Variants in VPS13B observed in about 807,000 individuals in gnomAD.
The protein encoded by VPS13B is vacuolar protein sorting 13 homolog B, also known as intermembrane lipid transfer protein VPS13B.
Under a neutral mutation model 426.4 loss-of-function variants are expected in VPS13B, and 285 were observed. The observed-to-expected ratio is 0.67, with a 90% CI of 0.61 to 0.74. The LOEUF is 0.74. VPS13B is among the 30% of genes least tolerant of loss of function. The pLI is 0.00. For synonymous variants in VPS13B, 1,676 were observed against 1,676.4 expected (o/e 1.00, Z 0.01); for missense variants, 4,537 against 4,782.6 (o/e 0.95, Z 1.51).
At chr8:99,673,288 T>TAATA (rs1468413967) in intron 35 of VPS13B, among the ~76,000 whole-genome samples, 1 of 152,082 alleles carries the variant, frequency 6.6e-6, no homozygotes, top group Non-Finnish European at 1.5e-5. Context: ...GATTTTTTAT[T>TAATA]ACTGATTCTA....
intron 33 of VPS13B, among the ~76,000 whole-genome samples, chr8:99,614,240 T>C (rs2133880230): frequency 6.6e-6 from 1 of 151,094 alleles, no homozygotes; most frequent in South Asian, 2.1e-4. Flanking sequence ...ATAGTTTTTA[T>C]TTTAAATTTT....
chr8:99,391,683 G>C lies in VPS13B; in HGVS notation c.3061G>C (p.Val1021Leu), dbSNP rs771816274. ...GGCCTCTGAATATGCCAGCAGCCCTGTAAAAACAAAAACGGTAACAGGTAT... is the reference window on the plus strand; with the variant it reads ...GGCCTCTGAATATGCCAGCAGCCCTCTAAAAACAAAAACGGTAACAGGTAT... ...YQASEYASSP[V>L]KTKTVTESRP... Residue 1021 changes from valine to leucine, a missense_variant, in exon 21 of 62, where the codon GTA becomes CTA. Transcript: ENST00000357162. 8 of 1,614,000 alleles carry C rather than the reference G, an allele frequency of 5.0e-6. No individual in the cohort carries two copies. The highest frequency in any genetic ancestry group is 6.8e-6 in the Non-Finnish European group (8 of 1,179,944).
At chr8:99,105,608 A>G (rs2132463365) in intron 5 of VPS13B, among the ~76,000 whole-genome samples, 1 of 152,138 alleles carries the variant, frequency 6.6e-6, no homozygotes, top group Non-Finnish European at 1.5e-5. Flanking sequence ...TGAATTCCTG[A>G]CCTCAAGTGA....
At chr8:99,379,926 ATTG>A (rs1314104782) in intron 19 of VPS13B, among the ~76,000 whole-genome samples, 10 of 152,268 alleles carry the variant, frequency 6.6e-5, no homozygotes, top group Admixed American at 1.3e-4. Context: ...AACCCTTGAG[ATTG>A]AATTATATAT....
At chr8:99,723,305 A>G (rs925503433) in intron 39 of VPS13B, among the ~76,000 whole-genome samples, 4 of 152,200 alleles carry the variant, frequency 2.6e-5, no homozygotes, top group African/African-American at 9.7e-5. Context: ...TATGACTATT[A>G]CCACTATTAC....
chr8:99,352,158 G>A (rs1047872779), intron 19 of VPS13B, among the ~76,000 whole-genome samples: 4 of 152,170 alleles, frequency 2.6e-5, no homozygotes, highest in Admixed American at 6.5e-5. Flanking sequence ...TAGAGTGGAA[G>A]CTACCGAAAT....
intron 36 of VPS13B, among the ~76,000 whole-genome samples, chr8:99,701,652 T>A (rs1332445342): frequency 6.6e-6 from 1 of 152,160 alleles, no homozygotes; most frequent in Non-Finnish European, 1.5e-5. Context: ...CAACTATAGC[T>A]TTGACTAAAC....
intron 8 of VPS13B, among the ~76,000 whole-genome samples, chr8:99,128,380 C>T (rs544174292): frequency 1.6e-3 from 86 of 52,500 alleles, no homozygotes; most frequent in Admixed American, 5.5e-3. Context: ...GAGCAAGATA[C>T]TGTCCCAAAA....
intron 3 of VPS13B, among the ~76,000 whole-genome samples, chr8:99,073,699 C>CTTTT (rs71273160): frequency 2.4e-5 from 2 of 83,550 alleles, no homozygotes; most frequent in Admixed American, 1.2e-4. Context: ...ATTTTCTTTC[C>CTTTT]TTTTTTTTTT....
intron 13 of VPS13B, among the ~76,000 whole-genome samples, chr8:99,145,906 AC>A (rs1164865116): frequency 6.6e-6 from 1 of 152,206 alleles, no homozygotes; most frequent in Admixed American, 6.5e-5. Flanking sequence ...ATACCATTTT[AC>A]ATTACCATCC....
chr8:99,348,050 A>C (rs190015984), intron 19 of VPS13B: 2 of 152,392 alleles, frequency 1.3e-5, no homozygotes, highest in Non-Finnish European at 2.9e-5. Flanking sequence ...CTGAATGCCT[A>C]TGCAGGTACA....
At chr8:99,696,624 G>A in intron 35 of VPS13B, 1 of 674,288 alleles carries the variant, frequency 1.5e-6, no homozygotes, top group Non-Finnish European at 2.8e-6. Context: ...GGAGCTTCGG[G>A]TCAACCTGGA....
intron 3 of VPS13B, among the ~76,000 whole-genome samples, chr8:99,056,217 C>A (rs143862593): frequency 2.6e-5 from 4 of 151,948 alleles, no homozygotes; most frequent in African/African-American, 7.2e-5. Flanking sequence ...CCACTATGCC[C>A]GGCTAATTTT....
At chr8:99,789,076 T>C (rs1385996821) in intron 43 of VPS13B, among the ~76,000 whole-genome samples, 1 of 152,186 alleles carries the variant, frequency 6.6e-6, no homozygotes, top group Non-Finnish European at 1.5e-5. Flanking sequence ...AACAGAAAGT[T>C]CTCCAATTTT....
intron 39 of VPS13B, among the ~76,000 whole-genome samples, chr8:99,757,482 G>A (rs1214486764): frequency 6.6e-6 from 1 of 152,172 alleles, no homozygotes; most frequent in East Asian, 1.9e-4. Context: ...AGGTTGCTTA[G>A]TTGGACTGAG....
At chr8:99,630,932 T>C (rs1828819248) in intron 33 of VPS13B, among the ~76,000 whole-genome samples, 1 of 152,010 alleles carries the variant, frequency 6.6e-6, no homozygotes, top group African/African-American at 2.4e-5. Context: ...GAATGACCAA[T>C]AGTATTTGAT....
intron 39 of VPS13B, among the ~76,000 whole-genome samples, chr8:99,727,860 C>G (rs575386068): frequency 6.6e-6 from 1 of 152,352 alleles, no homozygotes; most frequent in South Asian, 2.1e-4. Context: ...ATCTTCCTGG[C>G]AGCAACCAAA....
chr8:99,522,403 G>A (rs939193459), intron 30 of VPS13B, among the ~76,000 whole-genome samples: 2 of 151,826 alleles, frequency 1.3e-5, no homozygotes, highest in African/African-American at 4.8e-5. Context: ...TACCCTTTCC[G>A]CTTTCTGGCT....
intron 58 of VPS13B, among the ~76,000 whole-genome samples, chr8:99,867,552 C>A (rs909088229): frequency 1.3e-5 from 2 of 152,164 alleles, no homozygotes; most frequent in Admixed American, 6.5e-5. Context: ...AAGCGAGTAT[C>A]TTGGTGGTTA....
Sources: allele counts gnomAD v4.1 joint callset (sites outside exome capture counted in the v4.1 genomes callset), GRCh38; gene constraint gnomAD v4.1.1; transcripts MANE v1.5; gene names NCBI Gene and HGNC (gene_info 2026-07-23, HGNC 2026-07-21).